AKT3: variants seen among roughly 807,000 people sequenced by gnomAD.
AKT3 encodes RAC-gamma serine/threonine-protein kinase.
Under a neutral mutation model 65.3 loss-of-function variants are expected in AKT3, and 15 were observed. That is an observed-to-expected ratio of 0.23 (90% CI 0.15 to 0.35). The LOEUF (loss-of-function observed/expected upper bound fraction) is 0.35, where lower values mean the gene tolerates loss of function less well. Ranked by LOEUF, AKT3 falls within the 10% of genes least tolerant of loss-of-function variation. The pLI, the probability that AKT3 is intolerant of heterozygous loss-of-function variation, is 1.00. For missense variants in AKT3, 243 were observed against 576.5 expected (o/e 0.42, Z 5.92); for synonymous variants, 206 against 183.8 (o/e 1.12, Z -0.98).
At chr1:243,664,930 C>T in intron 3 of AKT3, 47 bp from the exon 4 acceptor site, 1 of 1,142,428 alleles carries the variant, frequency 8.8e-7, no homozygotes. Context: ...ATATTTAAAA[C>T]AAGAAGTAAA....
At chr1:243,760,282 C>CTTTGTTTT (rs1689402705) in intron 2 of AKT3, among the ~76,000 whole-genome samples, 1 of 80,914 alleles carries the variant, frequency 1.2e-5, no homozygotes, top group Non-Finnish European at 2.1e-5. Flanking sequence ...CTATATCTGG[C>CTTTGTTTT]TTTTTTTTTT....
intron 12 of AKT3, among the ~76,000 whole-genome samples, chr1:243,520,060 A>G (rs893510988): frequency 6.6e-6 from 1 of 152,246 alleles, no homozygotes; most frequent in Non-Finnish European, 1.5e-5. Flanking sequence ...ATATTGTATT[A>G]TTATAGGTTG....
At position 243,804,313 on chromosome 1, in the gene AKT3, A is replaced by G. The variant is rs112032199; in HGVS notation, c.46+38812T>C. ...TTGTCTATCTAAAATATACTTTTAA[A>G]TTACTGTAACAAAACTTTTAAAATT... On this transcript the variant is annotated intron_variant, in intron 2 of 13. Coordinates refer to ENST00000673466, the MANE Select transcript of AKT3 (RefSeq NM_005465.7). 9.0e-3 allele frequency among the ~76,000 whole-genome samples: 1,378 copies of G among 152,338 alleles called. 24 individuals are homozygous for G. Among genetic ancestry groups the G allele is most frequent in the African/African-American group, 0.031 (1,288 of 41,588 alleles).
intron 8 of AKT3, among the ~76,000 whole-genome samples, chr1:243,578,671 T>C (rs563132713): frequency 1.6e-4 from 24 of 152,306 alleles, no homozygotes; most frequent in African/African-American, 5.5e-4. Context: ...ATCCTGCACA[T>C]GTACCCTGGA....
intron 6 of AKT3, among the ~76,000 whole-genome samples, chr1:243,628,018 C>A (rs1679309041): frequency 6.6e-6 from 1 of 152,150 alleles, no homozygotes; most frequent in Non-Finnish European, 1.5e-5. Flanking sequence ...GAGCTTATGG[C>A]AAAAAGCCCA....
intron 2 of AKT3, among the ~76,000 whole-genome samples, chr1:243,707,668 T>C (rs1388553150): frequency 6.6e-6 from 1 of 152,166 alleles, no homozygotes; most frequent in Non-Finnish European, 1.5e-5. Flanking sequence ...ATATACAGCA[T>C]GATGCTGAAC....
At chr1:243,595,316 C>A (rs1676525444) in intron 8 of AKT3, among the ~76,000 whole-genome samples, 1 of 152,178 alleles carries the variant, frequency 6.6e-6, no homozygotes, top group East Asian at 1.9e-4. Context: ...ATTTATAATA[C>A]CATGAATGAA....
chr1:243,841,682 C>G (rs1695250706), intron 2 of AKT3, among the ~76,000 whole-genome samples: 2 of 152,022 alleles, frequency 1.3e-5, no homozygotes, highest in Non-Finnish European at 2.9e-5. Context: ...TAAGTTATTA[C>G]CCAAGACAAA....
intron 8 of AKT3, among the ~76,000 whole-genome samples, chr1:243,599,551 G>C (rs1676863163): frequency 6.6e-6 from 1 of 152,086 alleles, no homozygotes; most frequent in Admixed American, 6.6e-5. Context: ...ACAGCATATT[G>C]TTTGAAAGTC....
At chr1:243,564,670 TCAAA>T (rs1286547345) in intron 9 of AKT3, among the ~76,000 whole-genome samples, 5 of 152,254 alleles carry the variant, frequency 3.3e-5, no homozygotes, top group South Asian at 2.1e-4. Context: ...ATGATTATCA[TCAAA>T]CAAAGATACA....
chr1:243,725,631 C>G (rs1687166226), intron 2 of AKT3, among the ~76,000 whole-genome samples: 1 of 152,054 alleles, frequency 6.6e-6, no homozygotes, highest in Admixed American at 6.6e-5. Context: ...CTTGTGACAA[C>G]TAAATAAGAT....
intron 2 of AKT3, among the ~76,000 whole-genome samples, chr1:243,768,258 T>C (rs1448395894): frequency 1.3e-5 from 2 of 151,970 alleles, no homozygotes; most frequent in South Asian, 2.1e-4. Context: ...AAATCTTACA[T>C]AGTGACACAA....
At chr1:243,697,468 T>A (rs1685127866) in intron 2 of AKT3, among the ~76,000 whole-genome samples, 1 of 152,038 alleles carries the variant, frequency 6.6e-6, no homozygotes, top group African/African-American at 2.4e-5. Context: ...TCAACAAGGG[T>A]TAGTTTCTAA....
rs1480573681 is a variant in AKT3, at chr1:243,691,487, T to G, written c.172+4104A>C. Reference sequence around the variant, plus strand: ...TACAAACTAGAAACAGAGAAGCTAGTTAAGAATCTACAGCAGATATGATGA... The same window carrying G: ...TACAAACTAGAAACAGAGAAGCTAGGTAAGAATCTACAGCAGATATGATGA... On this transcript the variant is annotated intron_variant, in intron 3 of 13. Transcript: ENST00000673466. Among the ~76,000 whole-genome samples, 3 of 152,114 alleles carry G rather than the reference T, an allele frequency of 2.0e-5. No individual in the cohort carries two copies. The East Asian group carries it at 5.8e-4, about 29-fold the overall frequency.
At chr1:243,811,684 A>C (rs1693169378) in intron 2 of AKT3, among the ~76,000 whole-genome samples, 2 of 152,228 alleles carry the variant, frequency 1.3e-5, no homozygotes, top group Admixed American at 6.5e-5. Flanking sequence ...TAAAGTACAT[A>C]TGGAACCAAA....
chr1:243,805,146 T>C (rs1692645371), intron 2 of AKT3, among the ~76,000 whole-genome samples: 1 of 152,144 alleles, frequency 6.6e-6, no homozygotes, highest in South Asian at 2.1e-4. Flanking sequence ...CTTCTCCAAA[T>C]TCACAGAGAA....
intron 9 of AKT3, among the ~76,000 whole-genome samples, chr1:243,565,073 G>C (rs1275419714): frequency 6.6e-6 from 1 of 152,176 alleles, no homozygotes; most frequent in African/African-American, 2.4e-5. Flanking sequence ...GTTCAGAACA[G>C]ACAAAAGTCC....
chr1:243,576,784 A>G (rs372433029), intron 8 of AKT3, among the ~76,000 whole-genome samples: 1 of 152,238 alleles, frequency 6.6e-6, no homozygotes, highest in African/African-American at 2.4e-5. Context: ...CAATATTGGG[A>G]AAATGGCCAT....
At chr1:243,601,623 C>T (rs1013831244) in intron 8 of AKT3, among the ~76,000 whole-genome samples, 6 of 152,098 alleles carry the variant, frequency 3.9e-5, no homozygotes, top group South Asian at 2.1e-4. Flanking sequence ...GGAATATTCA[C>T]GAGCTTTTAT....
Sources: gnomAD v4.1 joint callset for allele counts (sites outside exome capture counted in the v4.1 genomes callset) on GRCh38, gnomAD v4.1.1 for gene constraint, MANE v1.5 for transcripts, NCBI Gene and HGNC (gene_info 2026-07-23, HGNC 2026-07-21) for gene names.